The following COA1 variants were observed in gnomAD, a reference collection of about 807,000 sequenced individuals.
COA1 encodes the protein cytochrome c oxidase assembly factor 1 homolog.
In COA1, 13 loss-of-function variants were observed where a neutral mutation model predicts 16.0. The observed-to-expected ratio is 0.81, with a 90% CI of 0.53 to 1.29. COA1 has a LOEUF of 1.29. COA1 is among the 50% of genes most tolerant of loss of function. The pLI is 0.00. For synonymous variants in COA1, 65 were observed against 65.7 expected (o/e 0.99, Z 0.05); for missense variants, 179 against 177.0 (o/e 1.01, Z -0.06).
At chr7:43,651,378 G>A (rs922106814) in intron 1 of COA1, among the ~76,000 whole-genome samples, 1 of 152,182 alleles carries the variant, frequency 6.6e-6, no homozygotes, top group Non-Finnish European at 1.5e-5. Context: ...TCTTAACTCT[G>A]CTCTGATACA....
chr7:43,705,944 T>C (rs2094954964), intron 1 of COA1, among the ~76,000 whole-genome samples: 1 of 152,074 alleles, frequency 6.6e-6, no homozygotes, highest in African/African-American at 2.4e-5. Context: ...TCCTCCCCTT[T>C]CAGCCTGGTA....
At chr7:43,626,638 G>GA (rs1484871968) in intron 6 of COA1, 1 of 152,038 alleles carries the variant, frequency 6.6e-6, no homozygotes, top group Non-Finnish European at 1.5e-5. Flanking sequence ...TTATCTCTCT[G>GA]AAAAAATAGG....
intron 1 of COA1, among the ~76,000 whole-genome samples, chr7:43,700,591 C>CGTGTGT (rs58589217): frequency 0.091 from 13,098 of 144,692 alleles, 1,346 homozygotes; most frequent in African/African-American, 0.25. Flanking sequence ...TGTATATATA[C>CGTGTGT]GTGTGTGTGT....
intron 1 of COA1, among the ~76,000 whole-genome samples, chr7:43,713,611 G>GT (rs960324723): frequency 1.5e-4 from 23 of 152,056 alleles, no homozygotes; most frequent in African/African-American, 4.6e-4. Context: ...GTTGGTAACT[G>GT]TTTTTTTCCC....
intron 1 of COA1, among the ~76,000 whole-genome samples, chr7:43,722,592 G>A (rs894969062): frequency 6.6e-6 from 1 of 151,320 alleles, no homozygotes; most frequent in African/African-American, 2.4e-5. Context: ...TAGTAGAGAC[G>A]GGGTTTCACC....
At chr7:43,727,352 C>T (rs556185396) in intron 1 of COA1, among the ~76,000 whole-genome samples, 1 of 152,286 alleles carries the variant, frequency 6.6e-6, no homozygotes, top group Admixed American at 6.5e-5. Context: ...TATGACCCAG[C>T]CATTTCACTC....
intron 6 of COA1, among the ~76,000 whole-genome samples, chr7:43,633,718 G>A (rs1563194231): frequency 6.6e-6 from 1 of 152,164 alleles, no homozygotes; most frequent in Non-Finnish European, 1.5e-5. Context: ...CATCTGCAAA[G>A]TGTAATAAAG....
At chr7:43,728,556 A>G (rs569465167) in intron 1 of COA1, among the ~76,000 whole-genome samples, 2 of 152,192 alleles carry the variant, frequency 1.3e-5, no homozygotes, top group African/African-American at 2.4e-5. Context: ...TGTGTTTTCC[A>G]TGAAAGTAGC....
chr7:43,689,581 G>T (rs2094184440), intron 1 of COA1, among the ~76,000 whole-genome samples: 1 of 152,088 alleles, frequency 6.6e-6, no homozygotes, highest in South Asian at 2.1e-4. Flanking sequence ...AAAGCTCAGA[G>T]AATTCACTGA....
chr7:43,648,025 A>G, intron 2 of COA1: 1 of 210,450 alleles, frequency 4.8e-6, no homozygotes, highest in Non-Finnish European at 9.6e-6. Context: ...CTTTGTGGCA[A>G]TGGCTGGTCC....
At chr7:43,682,599 T>C (rs969508705) in intron 1 of COA1, among the ~76,000 whole-genome samples, 2 of 152,218 alleles carry the variant, frequency 1.3e-5, no homozygotes, top group Non-Finnish European at 2.9e-5. Flanking sequence ...ATTTTATACA[T>C]AATGATATAA....
At chr7:43,685,013 G>A (rs1018714157) in intron 1 of COA1, among the ~76,000 whole-genome samples, 2 of 152,158 alleles carry the variant, frequency 1.3e-5, no homozygotes, top group African/African-American at 4.8e-5. Context: ...TTAGTGAGCA[G>A]TGGCTCACAC....
At chr7:43,728,315 C>T (rs2132431118) in intron 1 of COA1, among the ~76,000 whole-genome samples, 1 of 151,226 alleles carries the variant, frequency 6.6e-6, no homozygotes, top group African/African-American at 2.4e-5. Context: ...TGTCAGGAAG[C>T]TGTTTTATTT....
At chr7:43,654,045 C>T (rs1474721934) in intron 1 of COA1, among the ~76,000 whole-genome samples, 3 of 152,086 alleles carry the variant, frequency 2.0e-5, no homozygotes, top group East Asian at 1.9e-4. Flanking sequence ...TTTCCACTAA[C>T]CACAATGTAA....
At chr7:43,658,067 T>A (rs1297695645) in intron 1 of COA1, among the ~76,000 whole-genome samples, 1 of 147,452 alleles carries the variant, frequency 6.8e-6, no homozygotes, top group Admixed American at 6.7e-5. Context: ...CTATTTTATT[T>A]ATTTTTTTTA....
At chr7:43,681,432 G>A (rs767900849) in intron 1 of COA1, among the ~76,000 whole-genome samples, 3 of 151,960 alleles carry the variant, frequency 2.0e-5, no homozygotes, top group Non-Finnish European at 2.9e-5. Flanking sequence ...TTTGTACATC[G>A]TAATAAATCA....
chr7:43,651,733 A>C (rs992964588), intron 1 of COA1, among the ~76,000 whole-genome samples: 4 of 151,230 alleles, frequency 2.6e-5, no homozygotes, highest in Non-Finnish European at 5.9e-5. Context: ...GCGGTGGCTC[A>C]CGCCTGTAAT....
intron 5 of COA1, 25 bp from the exon 6 acceptor site, chr7:43,639,706 T>G (rs371464724): frequency 1.3e-6 from 2 of 1,579,704 alleles, no homozygotes; most frequent in Non-Finnish European, 8.7e-7. Context: ...AAGTATAGTA[T>G]CTCTAATCTA....
At chr7:43,615,179 T>C (rs1168197214) in intron 6 of COA1, among the ~76,000 whole-genome samples, 1 of 151,890 alleles carries the variant, frequency 6.6e-6, no homozygotes, top group Admixed American at 6.6e-5. Context: ...TTGTTTTTTG[T>C]TTGTTTGTTT....
Sources: gnomAD v4.1 joint callset for allele counts (sites outside exome capture counted in the v4.1 genomes callset) on GRCh38, gnomAD v4.1.1 for gene constraint, MANE v1.5 for transcripts, NCBI Gene and HGNC (gene_info 2026-07-23, HGNC 2026-07-21) for gene names.